TNNI3K: variants seen among roughly 807,000 people sequenced by gnomAD.
TNNI3K encodes serine/threonine-protein kinase TNNI3K.
A neutral mutation model predicts 114.5 loss-of-function variants in TNNI3K; 140 were observed. The ratio of observed to expected loss-of-function variants is 1.22; its 90% confidence interval spans 1.07 to 1.41. The LOEUF (loss-of-function observed/expected upper bound fraction) is 1.41. Ranked by LOEUF, TNNI3K falls within the 40% of genes most tolerant of loss-of-function variation. TNNI3K has a pLI of 0.00. For synonymous variants in TNNI3K, 347 were observed against 347.5 expected, an observed-to-expected ratio of 1.00 and a Z score of 0.02; for missense variants, 1,125 against 1,007.6, an observed-to-expected ratio of 1.12 and a Z score of -1.58.
intron 11 of TNNI3K, among the ~76,000 whole-genome samples, chr1:74,357,562 G>A (rs1455114919): frequency 6.6e-6 from 1 of 151,960 alleles, no homozygotes; most frequent in African/African-American, 2.4e-5. Context: ...TTCAGAAAAG[G>A]GTTTACTCAC....
At chr1:74,257,663 CTTTTT>C (rs66853287) in intron 4 of TNNI3K, among the ~76,000 whole-genome samples, 3 of 87,242 alleles carry the variant, frequency 3.4e-5, no homozygotes, top group African/African-American at 5.4e-5. Context: ...TGGCTTACCT[CTTTTT>C]TTTTTTTTTT....
intron 5 of TNNI3K, among the ~76,000 whole-genome samples, chr1:74,303,062 T>A (rs1189536374): frequency 1.3e-5 from 2 of 152,214 alleles, no homozygotes; most frequent in African/African-American, 4.8e-5. Context: ...AAGTGAATGC[T>A]CATTTACTAT....
chr1:74,372,054 C>T (rs1662637468), intron 17 of TNNI3K: 1 of 141,176 alleles, frequency 7.1e-6, no homozygotes, highest in Admixed American at 7.1e-5. Flanking sequence ...GTCCTGAATA[C>T]ATACTCCAAT....
intron 6 of TNNI3K, among the ~76,000 whole-genome samples, chr1:74,332,707 G>T (rs1352356887): frequency 6.6e-6 from 1 of 152,070 alleles, no homozygotes; most frequent in Non-Finnish European, 1.5e-5. Context: ...TATGTACTCA[G>T]TTCTGTCTGA....
chr1:74,266,263 C>T (rs1440033039), intron 4 of TNNI3K, among the ~76,000 whole-genome samples: 2 of 151,992 alleles, frequency 1.3e-5, no homozygotes, highest in Non-Finnish European at 2.9e-5. Flanking sequence ...TTAGCTAGAA[C>T]AGTTGATTGG....
At chr1:74,432,513 C>A (rs1239924665) in intron 17 of TNNI3K, among the ~76,000 whole-genome samples, 1 of 152,050 alleles carries the variant, frequency 6.6e-6, no homozygotes, top group African/African-American at 2.4e-5. Context: ...GCTTACTTCC[C>A]AGGTCAAATT....
chr1:74,377,498 T>C (rs571353356), intron 17 of TNNI3K, among the ~76,000 whole-genome samples: 2 of 152,004 alleles, frequency 1.3e-5, no homozygotes, highest in Non-Finnish European at 2.9e-5. Context: ...GATACAAAAG[T>C]TTCAATACCA....
At chr1:74,314,430 A>G (rs1659185235) in intron 5 of TNNI3K, among the ~76,000 whole-genome samples, 1 of 152,010 alleles carries the variant, frequency 6.6e-6, no homozygotes, top group Admixed American at 6.6e-5. Flanking sequence ...TATCTATCTC[A>G]TTTGCATATT....
At chr1:74,472,566 A>G (rs1236236067) in intron 21 of TNNI3K, among the ~76,000 whole-genome samples, 1 of 152,080 alleles carries the variant, frequency 6.6e-6, no homozygotes, top group Non-Finnish European at 1.5e-5. Context: ...TTCATTTCCC[A>G]TTTGCAACTT....
intron 20 of TNNI3K, among the ~76,000 whole-genome samples, chr1:74,445,385 A>C (rs1487898875): frequency 9.0e-5 from 7 of 77,740 alleles, no homozygotes; most frequent in South Asian, 1.1e-3. Flanking sequence ...CCCACCCCAC[A>C]ACAGTCCCCA....
intron 4 of TNNI3K, among the ~76,000 whole-genome samples, chr1:74,261,233 G>A (rs572033327): frequency 6.6e-6 from 1 of 151,178 alleles, no homozygotes; most frequent in Non-Finnish European, 1.5e-5. Flanking sequence ...ACTTACTTTG[G>A]CTCACATAAG....
intron 2 of TNNI3K, among the ~76,000 whole-genome samples, chr1:74,247,083 C>T (rs914259992): frequency 2.6e-5 from 4 of 152,194 alleles, no homozygotes; most frequent in Non-Finnish European, 5.9e-5. Flanking sequence ...CTTGGTCTCA[C>T]TGACTTCAAG....
intron 17 of TNNI3K, among the ~76,000 whole-genome samples, chr1:74,422,881 G>A (rs544376079): frequency 3.9e-5 from 6 of 152,078 alleles, no homozygotes; most frequent in South Asian, 2.1e-4. Context: ...TACTAATCAT[G>A]TGTCACTTCC....
chr1:74,249,459 C>T lies in TNNI3K; in HGVS notation c.150C>T (p.Gly50=). The part of the protein sequence containing the change: ...KELTELRNIF[G]SDEAFSKVNL... ...ATCATCTGTAACATGTTTTTTTCAGCTCTGATGAAGCCTTCAGTAAAGTCA... is the reference window on the plus strand; with the variant it reads ...ATCATCTGTAACATGTTTTTTTCAGTTCTGATGAAGCCTTCAGTAAAGTCA... Residue 50 remains glycine, a splice_region_variant and synonymous_variant, in exon 3 of 25, where the codon GGC becomes GGT. Coordinates refer to ENST00000326637, the MANE Select transcript of TNNI3K (RefSeq NM_015978.3). 6.2e-7 allele frequency: 1 copy of T among 1,610,328 alleles called. No individual in the cohort carries two copies. The highest frequency in any genetic ancestry group is 1.7e-4 in the Middle Eastern group (1 of 6,044).
chr1:74,379,266 G>A (rs58829812), intron 17 of TNNI3K, among the ~76,000 whole-genome samples: 195 of 151,880 alleles, frequency 1.3e-3, no homozygotes, highest in African/African-American at 4.5e-3. Flanking sequence ...GTATGAAATA[G>A]GCTATATACA....
rs141902574 is a variant in TNNI3K at position 74,405,745 on chromosome 1, T to C, written c.1773-30335T>C. 2.5e-3 allele frequency among the ~76,000 whole-genome samples: 386 copies of C among 152,320 alleles called. 4 individuals carry two copies. Among genetic ancestry groups the C allele is most frequent in the East Asian group, 0.017 (90 of 5,186 alleles). ...ATAAACATGATTTCCTATGATCAAC[T>C]ACTGGGCTCCCTGTAAACAGCTTTT... On this transcript the variant is annotated intron_variant, in intron 17 of 24. Transcript: ENST00000326637.
chr1:74,264,401 G>A lies in TNNI3K; in HGVS notation c.334-7197G>A, dbSNP rs489158. ...TAAATTTTAATGCCTAGAACTAAGT[G>A]CATTTCATACTGAAGCCCTGAATAG... On this transcript the variant is annotated intron_variant, in intron 4 of 24. Coordinates refer to ENST00000326637, the MANE Select transcript of TNNI3K (RefSeq NM_015978.3). 2.6e-3 allele frequency among the ~76,000 whole-genome samples: 400 copies of A among 151,966 alleles called. 2 individuals are homozygous for A. Among genetic ancestry groups the A allele is most frequent in the African/African-American group, 9.2e-3 (383 of 41,490 alleles).
chr1:74,491,181 C>T (rs1478924190), intron 22 of TNNI3K, among the ~76,000 whole-genome samples: 2 of 152,114 alleles, frequency 1.3e-5, no homozygotes, highest in Non-Finnish European at 2.9e-5. Context: ...TGATGCTTAT[C>T]ACAGAAAAGA....
chr1:74,503,363 G>T (rs2100349509), intron 23 of TNNI3K, among the ~76,000 whole-genome samples: 1 of 152,272 alleles, frequency 6.6e-6, no homozygotes, highest in African/African-American at 2.4e-5. Flanking sequence ...CTTATTCAAA[G>T]AATGCTGATT....
Sources: allele counts gnomAD v4.1 joint callset (sites outside exome capture counted in the v4.1 genomes callset), GRCh38; gene constraint gnomAD v4.1.1; transcripts MANE v1.5; gene names NCBI Gene and HGNC (gene_info 2026-07-23, HGNC 2026-07-21).